Variants in TBCK observed in about 807,000 individuals in gnomAD.
TBCK encodes the protein TBC1 domain containing kinase, also known as TBC domain-containing protein kinase-like protein.
Under a neutral mutation model 113.4 loss-of-function variants are expected in TBCK, and 99 were observed. That is an observed-to-expected ratio of 0.87 (90% confidence interval 0.74 to 1.03). The LOEUF (loss-of-function observed/expected upper bound fraction) is 1.03, where lower values mean the gene tolerates loss of function less well. Among genes scored for constraint, TBCK ranks in the 50% least tolerant of loss-of-function variants. The pLI, the probability that TBCK is intolerant of heterozygous loss-of-function variation, is 0.00. For missense variants in TBCK, 1,045 were observed against 1,061.3 expected, an observed-to-expected ratio of 0.98 and a Z score of 0.21; for synonymous variants, 369 against 370.8, an observed-to-expected ratio of 1.00 and a Z score of 0.05.
chr4:106,237,494 C>G, intron 12 of TBCK: 1 of 455,910 alleles, frequency 2.2e-6, no homozygotes, highest in Non-Finnish European at 4.4e-6. Context: ...ATCTTGCCTG[C>G]TGCTCTGCTG....
intron 10 of TBCK, 152 bp from the exon 11 acceptor site, chr4:106,244,916 TAC>T: frequency 1.9e-6 from 1 of 515,160 alleles, no homozygotes. Context: ...TGAAATTTGC[TAC>T]TCCATCCTAA....
At chr4:106,228,714 C>G (rs77932764) in intron 19 of TBCK, among the ~76,000 whole-genome samples, 19,676 of 151,930 alleles carry the variant, frequency 0.13, 1,609 homozygotes, top group South Asian at 0.24. Context: ...CATGGGAGTG[C>G]AGATATCTCT....
At chr4:106,126,000 A>G (rs1489522556) in intron 23 of TBCK, among the ~76,000 whole-genome samples, 3 of 152,214 alleles carry the variant, frequency 2.0e-5, no homozygotes, top group Admixed American at 1.3e-4. Context: ...ATAAATTTTT[A>G]TCTTATACCT....
At chr4:106,265,378 A>G (rs1309789387) in intron 3 of TBCK, among the ~76,000 whole-genome samples, 1 of 151,980 alleles carries the variant, frequency 6.6e-6, no homozygotes, top group Non-Finnish European at 1.5e-5. Flanking sequence ...TTTGTGTTAT[A>G]AAGAATTCAA....
chr4:106,224,678 A>G (rs1201518003), intron 19 of TBCK, among the ~76,000 whole-genome samples: 1 of 152,198 alleles, frequency 6.6e-6, no homozygotes, highest in Non-Finnish European at 1.5e-5. Context: ...TATACAGTGT[A>G]CTGTTTCAGC....
chr4:106,230,824 T>C (rs1456724540), intron 18 of TBCK, among the ~76,000 whole-genome samples: 1 of 151,914 alleles, frequency 6.6e-6, no homozygotes, highest in Non-Finnish European at 1.5e-5. Flanking sequence ...CTACGAACTA[T>C]GGATTTAGGA....
intron 22 of TBCK, among the ~76,000 whole-genome samples, chr4:106,172,337 TTG>T (rs1230620736): frequency 1.3e-5 from 2 of 152,088 alleles, no homozygotes; most frequent in Non-Finnish European, 2.9e-5. Context: ...TCTATATTGT[TTG>T]TGTTTTGGAT....
chr4:106,213,658 G>C (rs7675879), intron 19 of TBCK: 19,989 of 154,092 alleles, frequency 0.13, 1,631 homozygotes, highest in South Asian at 0.24. Context: ...GCGCTTTTCC[G>C]ACGGGCTTAA....
intron 1 of TBCK, among the ~76,000 whole-genome samples, chr4:106,314,232 TCACTAC>T (rs1211265742): frequency 6.6e-6 from 1 of 152,174 alleles, no homozygotes; most frequent in Non-Finnish European, 1.5e-5. Context: ...AAAGGTAGAA[TCACTAC>T]TTTTCTCGTT....
intron 3 of TBCK, among the ~76,000 whole-genome samples, chr4:106,279,630 T>G (rs1052842904): frequency 2.0e-5 from 3 of 152,138 alleles, no homozygotes; most frequent in African/African-American, 7.2e-5. Flanking sequence ...CAGCCTCTGG[T>G]AACCATCCTC....
chr4:106,121,853 T>C (rs1364366852), intron 23 of TBCK, among the ~76,000 whole-genome samples: 1 of 151,884 alleles, frequency 6.6e-6, no homozygotes, highest in Non-Finnish European at 1.5e-5. Flanking sequence ...CATACCAGAA[T>C]CTCTGGGACA....
At chr4:106,233,101 T>C (rs769114656) in intron 16 of TBCK, 37 bp from the exon 17 acceptor site, 14 of 1,581,672 alleles carry the variant, frequency 8.9e-6, no homozygotes, top group African/African-American at 4.1e-5. Flanking sequence ...GAAACAGTAA[T>C]TGTGTAATCA....
intron 23 of TBCK, among the ~76,000 whole-genome samples, chr4:106,145,350 A>T (rs1314019814): frequency 1.3e-5 from 2 of 152,068 alleles, no homozygotes; most frequent in Non-Finnish European, 2.9e-5. Context: ...AAACAAAAAA[A>T]CTTGTTCATA....
At chr4:106,120,287 A>C (rs550179899) in intron 23 of TBCK, among the ~76,000 whole-genome samples, 4 of 152,242 alleles carry the variant, frequency 2.6e-5, no homozygotes, top group Non-Finnish European at 5.9e-5. Context: ...CCACGAGATT[A>C]TATCCCGCAC....
chr4:106,195,482 A>ATGTGTGTGTT (rs1222384527), intron 20 of TBCK, among the ~76,000 whole-genome samples: 1 of 2,060 alleles, frequency 4.9e-4, no homozygotes, highest in Admixed American at 2.2e-3. Flanking sequence ...ATCTGGTTAA[A>ATGTGTGTGTT]TGTGTGTGTT....
At chr4:106,222,058 A>G (rs557871718) in intron 19 of TBCK, among the ~76,000 whole-genome samples, 1 of 152,296 alleles carries the variant, frequency 6.6e-6, no homozygotes, top group Non-Finnish European at 1.5e-5. Flanking sequence ...TAACCTACAC[A>G]TGACCTATAT....
chr4:106,091,354 G>A (rs938472598), intron 25 of TBCK, among the ~76,000 whole-genome samples: 4 of 152,206 alleles, frequency 2.6e-5, no homozygotes, highest in Non-Finnish European at 4.4e-5. Context: ...AGCCATTCAC[G>A]AAGGATCTGC....
intron 6 of TBCK, 104 bp downstream of exon 6, chr4:106,251,762 A>ATGTTCTCCTC: frequency 9.3e-6 from 10 of 1,074,696 alleles, no homozygotes; most frequent in Non-Finnish European, 1.2e-5. Flanking sequence ...ATATGTAATT[A>ATGTTCTCCTC]ATTTGTACAG....
At chr4:106,286,502 A>G (rs1371109155) in intron 3 of TBCK, among the ~76,000 whole-genome samples, 1 of 152,176 alleles carries the variant, frequency 6.6e-6, no homozygotes, top group East Asian at 1.9e-4. Flanking sequence ...GTATCCTTAT[A>G]TAATACAATT....
Sources: allele counts gnomAD v4.1 joint callset (sites outside exome capture counted in the v4.1 genomes callset), GRCh38; gene constraint gnomAD v4.1.1; transcripts MANE v1.5; gene names NCBI Gene and HGNC (gene_info 2026-07-23, HGNC 2026-07-21).